The following DLG3 variants were observed in gnomAD, a reference collection of about 807,000 sequenced individuals.
DLG3 encodes discs large MAGUK scaffold protein 3.
DLG3 carries 1 observed loss-of-function variant against 64.1 expected under a neutral mutation model. The observed-to-expected ratio is 0.02, with a 90% CI of 0.01 to 0.07. The LOEUF (loss-of-function observed/expected upper bound fraction) is 0.07, where lower values mean the gene tolerates loss of function less well. Ranked by LOEUF, DLG3 falls within the 10% of genes least tolerant of loss-of-function variation. The pLI is 1.00. For missense variants in DLG3, 429 were observed against 669.5 expected (o/e 0.64, Z 3.96); for synonymous variants, 245 against 259.8 (o/e 0.94, Z 0.55).
In DLG3 at chrX:70,445,372, G is replaced by T. The variant is rs1317934571; in HGVS notation, c.171G>T (p.Gln57His). The T allele has an allele frequency of 8.5e-7, 1 of 1,178,651 alleles. No individual in the cohort carries two copies. Among genetic ancestry groups the T allele is most frequent in the Non-Finnish European group, 1.1e-6 (1 of 879,582 alleles). The part of the protein sequence containing the change: ...ASAGYGGYSS[Q>H]TLPSQAGATP... Reference sequence around the variant, plus strand: ...CGGGTTATGGGGGCTACAGCTCGCAGACCTTGCCCTCGCAGGCGGGGGCCA... The same window carrying T: ...CGGGTTATGGGGGCTACAGCTCGCATACCTTGCCCTCGCAGGCGGGGGCCA... Residue 57 changes from glutamine to histidine, a missense_variant, in exon 1 of 19, where the codon CAG becomes CAT. Transcript: ENST00000374360.
chrX:70,486,377 TTC>T (rs1292201912), intron 10 of DLG3, among the ~76,000 whole-genome samples: 2 of 112,025 alleles, frequency 1.8e-5, no homozygotes, highest in Non-Finnish European at 3.8e-5. Flanking sequence ...ATGAATTTTA[TTC>T]TCTCATGGCA....
At chrX:70,495,008 C>T (rs2087428525) in intron 12 of DLG3, among the ~76,000 whole-genome samples, 1 of 112,119 alleles carries the variant, frequency 8.9e-6, no homozygotes. Context: ...GAGACCTGGG[C>T]TCCACAACCA....
At chrX:70,459,060 A>G (rs756043115) in intron 9 of DLG3, among the ~76,000 whole-genome samples, 1 of 112,365 alleles carries the variant, frequency 8.9e-6, no homozygotes, top group South Asian at 3.7e-4. Flanking sequence ...GTGACTTTAT[A>G]TCAGCCTCTG....
At chrX:70,449,031 T>C (rs939223917) in intron 2 of DLG3, 68 bp downstream of exon 2, 18 of 1,126,693 alleles carry the variant, frequency 1.6e-5, no homozygotes, top group Admixed American at 7.4e-5. Flanking sequence ...GGGAGACCCC[T>C]GAATCATGGT....
Position 70,452,604 on chromosome X carries a change from G to A in DLG3, c.1145+578G>A, listed in dbSNP as rs771161683. 8.5e-6 allele frequency: 10 copies of A among 1,176,218 alleles called. No homozygotes were observed. The African/African-American group carries it at 1.6e-4, about 19-fold the overall frequency. ...TGGAGCCGGAAGGGTAGGCAGCCAG[G>A]GGAGAGAGAGAGGAGCTATGGAGAG... On this transcript the variant is annotated intron_variant, in intron 7 of 18. Coordinates refer to ENST00000374360, the MANE Select transcript of DLG3 (RefSeq NM_021120.4).
chrX:70,466,133 C>T (rs1448941908), intron 9 of DLG3, among the ~76,000 whole-genome samples: 1 of 111,444 alleles, frequency 9.0e-6, no homozygotes, highest in East Asian at 2.8e-4. Context: ...TTTTTTAAGA[C>T]AATTTCTGTA....
chrX:70,446,920 A>G (rs2086574361), intron 1 of DLG3, among the ~76,000 whole-genome samples: 1 of 111,998 alleles, frequency 8.9e-6, no homozygotes, highest in Non-Finnish European at 1.9e-5. Flanking sequence ...AAAGGTGGGG[A>G]CTTCCTGGGG....
intron 13 of DLG3, 103 bp from the exon 14 acceptor site, chrX:70,498,417 A>C: frequency 1.2e-6 from 1 of 812,609 alleles, no homozygotes; most frequent in Non-Finnish European, 1.8e-6. Flanking sequence ...GGTGGCAAGG[A>C]CCACCTGATA....
At chrX:70,491,973 C>T in intron 10 of DLG3, 134 bp from the exon 11 acceptor site, 1 of 645,400 alleles carries the variant, frequency 1.5e-6, no homozygotes, top group East Asian at 3.6e-5. Flanking sequence ...ATGTGGTCTC[C>T]TGGAGACATC....
At chrX:70,472,061 C>T (rs999633024) in intron 9 of DLG3, among the ~76,000 whole-genome samples, 3 of 112,067 alleles carry the variant, frequency 2.7e-5, no homozygotes, top group African/African-American at 9.7e-5. Flanking sequence ...TGCAACCTAC[C>T]ATTACTTCCC....
chrX:70,454,388 T>C, intron 9 of DLG3, 72 bp downstream of exon 9: 1 of 959,403 alleles, frequency 1.0e-6, no homozygotes, highest in Non-Finnish European at 1.5e-6. Context: ...CTTTTTGCCA[T>C]CCTAGGTAAC....
chrX:70,477,459 C>T (rs1322099627), intron 9 of DLG3, among the ~76,000 whole-genome samples: 1 of 111,846 alleles, frequency 8.9e-6, no homozygotes, highest in Non-Finnish European at 1.9e-5. Flanking sequence ...GGGCCAGCAC[C>T]CAGGCGGTCT....
chrX:70,463,980 G>T (rs2086845388), intron 9 of DLG3, among the ~76,000 whole-genome samples: 1 of 110,054 alleles, frequency 9.1e-6, no homozygotes. Flanking sequence ...CAAAGTGCTG[G>T]GATTACAGGA....
At position 70,450,434 on chromosome X, in the gene DLG3, T is replaced by C. The variant is rs762023054; in HGVS notation, c.840+129T>C. 8.1e-6 allele frequency: 8 copies of C among 990,707 alleles called. No individual in the cohort carries two copies. The East Asian group carries it at 2.7e-4, about 33-fold the overall frequency. 81.6% of individuals were successfully genotyped at this position (990,707 alleles called of 1,213,427 possible). A position where few individuals can be genotyped will look rare whatever the true frequency, so the allele number is the denominator to read the frequency against. Reference sequence around the variant, plus strand: ...GGAATTTCAAGAGTTATCATCTGTGTTGTGTTTGCCCAGATACAAAGGCCC... The same window carrying C: ...GGAATTTCAAGAGTTATCATCTGTGCTGTGTTTGCCCAGATACAAAGGCCC... On this transcript the variant is annotated intron_variant, in intron 5 of 18. Coordinates refer to ENST00000374360, the MANE Select transcript of DLG3 (RefSeq NM_021120.4).
At chrX:70,488,733 C>G (rs2087302749) in intron 10 of DLG3, among the ~76,000 whole-genome samples, 1 of 111,935 alleles carries the variant, frequency 8.9e-6, no homozygotes, top group Non-Finnish European at 1.9e-5. Context: ...GAGGCTTTAG[C>G]GGTCTGCAAA....
chrX:70,483,104 GC>G (rs1460813654), intron 10 of DLG3, among the ~76,000 whole-genome samples: 1 of 110,312 alleles, frequency 9.1e-6, no homozygotes, highest in African/African-American at 3.3e-5. Flanking sequence ...AACATAGTGA[GC>G]CCCACTCTTA....
intron 10 of DLG3, among the ~76,000 whole-genome samples, chrX:70,480,064 T>G (rs2087126077): frequency 8.9e-6 from 1 of 111,810 alleles, no homozygotes; most frequent in African/African-American, 3.3e-5. Context: ...AACTCCAAAA[T>G]CTGGTGCCAA....
chrX:70,485,090 C>T (rs1206426770), intron 10 of DLG3, among the ~76,000 whole-genome samples: 1 of 111,850 alleles, frequency 8.9e-6, no homozygotes, highest in African/African-American at 3.3e-5. Context: ...CCAGTACTTT[C>T]TGGCCAAAGG....
At chrX:70,450,419 G>C in intron 5 of DLG3, 114 bp downstream of exon 5, 1 of 1,023,869 alleles carries the variant, frequency 9.8e-7, no homozygotes, top group Non-Finnish European at 1.3e-6. Context: ...GGAATTTCAA[G>C]AGTTATCATC....
Sources: allele counts gnomAD v4.1 joint callset (sites outside exome capture counted in the v4.1 genomes callset), GRCh38; gene constraint gnomAD v4.1.1; transcripts MANE v1.5; gene names NCBI Gene and HGNC (gene_info 2026-07-23, HGNC 2026-07-21).